The following TMEM132D variants were observed in gnomAD, a reference collection of about 807,000 sequenced individuals.
TMEM132D encodes the protein transmembrane protein 132D, also known as mature OL transmembrane protein.
Under a neutral mutation model 62.3 loss-of-function variants are expected in TMEM132D, and 21 were observed. That is an observed-to-expected ratio of 0.34 (90% CI 0.24 to 0.49). TMEM132D has a LOEUF of 0.49. TMEM132D is among the 20% of genes least tolerant of loss of function. TMEM132D has a pLI of 0.99. For synonymous variants in TMEM132D, 621 were observed against 575.6 expected, an observed-to-expected ratio of 1.08 and a Z score of -1.13; for missense variants, 1,346 against 1,402.8, an observed-to-expected ratio of 0.96 and a Z score of 0.65.
chr12:129,503,413 C>T (rs750675951), intron 3 of TMEM132D, among the ~76,000 whole-genome samples: 20 of 151,984 alleles, frequency 1.3e-4, no homozygotes, highest in South Asian at 4.1e-4. Flanking sequence ...GTTGGAGACT[C>T]TCAGAAATTA....
At chr12:129,342,155 A>C (rs1470394852) in intron 3 of TMEM132D, among the ~76,000 whole-genome samples, 3 of 152,212 alleles carry the variant, frequency 2.0e-5, no homozygotes, top group African/African-American at 4.8e-5. Context: ...TGGAGGCATC[A>C]CGCTACCTGA....
At chr12:129,437,074 T>C (rs1872806280) in intron 3 of TMEM132D, among the ~76,000 whole-genome samples, 1 of 152,174 alleles carries the variant, frequency 6.6e-6, no homozygotes, top group South Asian at 2.1e-4. Context: ...ACATGTCTTC[T>C]AGCCAGAGTC....
chr12:129,249,717 C>G (rs140690076), intron 4 of TMEM132D, among the ~76,000 whole-genome samples: 3 of 151,992 alleles, frequency 2.0e-5, no homozygotes, highest in African/African-American at 7.3e-5. Flanking sequence ...TTACTTCGGC[C>G]GATGGAGACA....
intron 2 of TMEM132D, among the ~76,000 whole-genome samples, chr12:129,634,471 C>G (rs1199892450): frequency 5.6e-5 from 5 of 89,336 alleles, no homozygotes; most frequent in Non-Finnish European, 1.2e-4. Context: ...GAAACCTTGT[C>G]TCAAAAAAAA....
At chr12:129,257,507 C>T (rs1880439771) in intron 4 of TMEM132D, among the ~76,000 whole-genome samples, 1 of 152,232 alleles carries the variant, frequency 6.6e-6, no homozygotes, top group Non-Finnish European at 1.5e-5. Flanking sequence ...CTGTGCCCGG[C>T]CCATCCCCTG....
At chr12:129,870,441 T>C (rs1287139532) in intron 1 of TMEM132D, among the ~76,000 whole-genome samples, 2 of 152,202 alleles carry the variant, frequency 1.3e-5, no homozygotes, top group Non-Finnish European at 2.9e-5. Context: ...CCTTACATAA[T>C]GAAACCCCAC....
rs541795431 is a variant in TMEM132D, at chr12:129,809,079, G to A, written c.79+94182C>T. On this transcript the variant is annotated intron_variant, in intron 1 of 8. Transcript: ENST00000422113. ...TCCCAGCACTCTGGGAGGGCAAGGC[G>A]GGTGGATCACCTGAGGTCAGGTGTT... Among the ~76,000 whole-genome samples the A allele has an allele frequency of 6.5e-4, 99 of 152,236 alleles. 1 individual carries two copies. The highest frequency in any genetic ancestry group is 2.2e-3 in the African/African-American group (93 of 41,570).
intron 1 of TMEM132D, among the ~76,000 whole-genome samples, chr12:129,850,375 C>T (rs985536654): frequency 2.6e-5 from 4 of 152,138 alleles, no homozygotes; most frequent in Non-Finnish European, 4.4e-5. Context: ...CCTGCCCCCA[C>T]GGAGGATGTG....
chr12:129,177,301 A>G (rs1362789803), intron 5 of TMEM132D, among the ~76,000 whole-genome samples: 1 of 152,226 alleles, frequency 6.6e-6, no homozygotes, highest in Admixed American at 6.5e-5. Flanking sequence ...GTCGTCAATA[A>G]AACAAACAAA....
At chr12:129,187,665 C>T (rs1878256593) in intron 5 of TMEM132D, among the ~76,000 whole-genome samples, 1 of 152,222 alleles carries the variant, frequency 6.6e-6, no homozygotes. Flanking sequence ...CATCCTATTT[C>T]TCACCTCCTT....
intron 2 of TMEM132D, among the ~76,000 whole-genome samples, chr12:129,566,001 T>C (rs1168024836): frequency 6.6e-6 from 1 of 152,202 alleles, no homozygotes; most frequent in African/African-American, 2.4e-5. Context: ...TGTGACAAAA[T>C]GCGTATAGCA....
intron 3 of TMEM132D, among the ~76,000 whole-genome samples, chr12:129,364,568 G>C (rs998787752): frequency 2.6e-5 from 4 of 152,304 alleles, no homozygotes; most frequent in African/African-American, 7.2e-5. Flanking sequence ...TAGTGTTTAT[G>C]GGGGCTAAGG....
chr12:129,719,083 G>GAAAAAAAAAA (rs59987335), intron 1 of TMEM132D, among the ~76,000 whole-genome samples: 3 of 99,166 alleles, frequency 3.0e-5, no homozygotes, highest in African/African-American at 1.1e-4. Context: ...CAAAAAAAAT[G>GAAAAAAAAAA]AAAAAAAAAA....
chr12:129,190,060 T>C (rs191919549), intron 5 of TMEM132D, among the ~76,000 whole-genome samples: 118 of 150,254 alleles, frequency 7.9e-4, no homozygotes, highest in Non-Finnish European at 1.3e-3. Flanking sequence ...GGAAGGGTCT[T>C]GGGACGGCCT....
intron 4 of TMEM132D, among the ~76,000 whole-genome samples, chr12:129,336,442 G>T (rs531176245): frequency 1.3e-5 from 2 of 152,088 alleles, no homozygotes; most frequent in African/African-American, 4.8e-5. Flanking sequence ...CAGGCATGGT[G>T]GTGGGCACCT....
At chr12:129,436,804 G>T (rs1238524612) in intron 3 of TMEM132D, among the ~76,000 whole-genome samples, 1 of 152,094 alleles carries the variant, frequency 6.6e-6, no homozygotes, top group African/African-American at 2.4e-5. Context: ...ACATAAAAAT[G>T]AACTTGAAGT....
chr12:129,430,887 TG>T (rs1566066306), intron 3 of TMEM132D, among the ~76,000 whole-genome samples: 1 of 150,970 alleles, frequency 6.6e-6, no homozygotes, highest in Admixed American at 6.6e-5. Flanking sequence ...CTCAGGAGAG[TG>T]GGGGGAGACA....
chr12:129,770,546 T>C (rs1042484879), intron 1 of TMEM132D, among the ~76,000 whole-genome samples: 13 of 152,138 alleles, frequency 8.5e-5, no homozygotes, highest in African/African-American at 2.9e-4. Context: ...CACTGGAACA[T>C]ATTACTGAGA....
At chr12:129,855,259 GGTGCCCTT>G (rs1873699150) in intron 1 of TMEM132D, among the ~76,000 whole-genome samples, 1 of 84,206 alleles carries the variant, frequency 1.2e-5, no homozygotes, top group African/African-American at 5.1e-5. Context: ...GAACGGGATG[GGTGCCCTT>G]GTAACGGAGT....
Sources: gnomAD v4.1 joint callset for allele counts (sites outside exome capture counted in the v4.1 genomes callset) on GRCh38, gnomAD v4.1.1 for gene constraint, MANE v1.5 for transcripts, NCBI Gene and HGNC (gene_info 2026-07-23, HGNC 2026-07-21) for gene names.